NCAM2: variants seen among roughly 807,000 people sequenced by gnomAD.
NCAM2 encodes neural cell adhesion molecule 2.
Under a neutral mutation model 98.1 loss-of-function variants are expected in NCAM2, and 30 were observed. The ratio of observed to expected loss-of-function variants is 0.31; its 90% CI spans 0.23 to 0.41. The LOEUF (loss-of-function observed/expected upper bound fraction) is 0.41. Ranked by LOEUF, NCAM2 falls within the 10% of genes least tolerant of loss-of-function variation. NCAM2 has a pLI of 1.00. For synonymous variants in NCAM2, 368 were observed against 342.4 expected (o/e 1.07, Z -0.83); for missense variants, 867 against 1,005.8 (o/e 0.86, Z 1.87).
In NCAM2 at chr21:21,036,886, C is replaced by T. The variant is rs540645367; in HGVS notation, c.55+38268C>T. Among the ~76,000 whole-genome samples the T allele has an allele frequency of 5.3e-5, 8 of 152,248 alleles. No homozygotes were observed. In the South Asian group the frequency reaches 1.2e-3, roughly 24 times the overall value. On this transcript the variant is annotated intron_variant, in intron 1 of 17. Coordinates refer to ENST00000400546, the MANE Select transcript of NCAM2 (RefSeq NM_004540.5). Reference sequence around the variant, plus strand: ...AGAGAAGAGAAGGGCCAAGAGAGGGCCCAAGAGATAAATCCTGGCTGTTTA... The same window carrying T: ...AGAGAAGAGAAGGGCCAAGAGAGGGTCCAAGAGATAAATCCTGGCTGTTTA...
intron 9 of NCAM2, among the ~76,000 whole-genome samples, chr21:21,383,787 G>A (rs2076207680): frequency 6.6e-6 from 1 of 151,862 alleles, no homozygotes; most frequent in Non-Finnish European, 1.5e-5. Flanking sequence ...TTTAGTTTCA[G>A]TTTTCAGCAG....
intron 9 of NCAM2, among the ~76,000 whole-genome samples, chr21:21,382,809 C>A (rs1340436377): frequency 6.6e-6 from 1 of 151,688 alleles, no homozygotes; most frequent in Non-Finnish European, 1.5e-5. Flanking sequence ...GGATTACAGG[C>A]GGGAGCCACT....
intron 1 of NCAM2, among the ~76,000 whole-genome samples, chr21:21,269,003 C>A (rs1249980959): frequency 6.6e-6 from 1 of 152,126 alleles, no homozygotes; most frequent in East Asian, 1.9e-4. Context: ...CCTGGAGACA[C>A]CTTCAGGCTA....
At chr21:21,371,611 A>T (rs1439034333) in intron 8 of NCAM2, among the ~76,000 whole-genome samples, 1 of 151,080 alleles carries the variant, frequency 6.6e-6, no homozygotes, top group Non-Finnish European at 1.5e-5. Context: ...CCTCAACACC[A>T]CCCTTCTTTC....
intron 1 of NCAM2, among the ~76,000 whole-genome samples, chr21:21,176,643 G>A (rs562271890): frequency 6.6e-6 from 1 of 151,952 alleles, no homozygotes; most frequent in African/African-American, 2.4e-5. Flanking sequence ...AACATTTTAA[G>A]ACAGTTTTTA....
rs1483062198 is a variant in NCAM2 at position 21,331,517 on chromosome 21, C to CTCTCTCTCTCTCTCTATATA, written c.738-3987_738-3986insCTCTCTCTCTCTCTATATAT. Reference sequence around the variant, plus strand: ...TATATATACTCTATACTCTCTCTCTCTATATATATATATATATACTCTATA... The same window carrying CTCTCTCTCTCTCTCTATATA: ...TATATATACTCTATACTCTCTCTCTCTCTCTCTCTCTCTCTATATATATATATATATATATATACTCTATA... On this transcript the variant is annotated intron_variant, in intron 6 of 17. Transcript: ENST00000400546. 3.6e-3 allele frequency among the ~76,000 whole-genome samples: 25 copies of CTCTCTCTCTCTCTCTATATA among 6,938 alleles called. 3 individuals carry two copies. Among genetic ancestry groups the CTCTCTCTCTCTCTCTATATA allele is most frequent in the African/African-American group, 0.014 (25 of 1,814 alleles). 4.6% of individuals were successfully genotyped at this position (6,938 alleles called of 152,430 possible).
At chr21:21,033,168 C>G (rs1213783513) in intron 1 of NCAM2, among the ~76,000 whole-genome samples, 2 of 152,078 alleles carry the variant, frequency 1.3e-5, no homozygotes. Context: ...AGGCTGGTGT[C>G]AAACTCCTGA....
At chr21:21,143,235 G>C (rs1200032059) in intron 1 of NCAM2, among the ~76,000 whole-genome samples, 2 of 152,140 alleles carry the variant, frequency 1.3e-5, no homozygotes, top group Admixed American at 6.5e-5. Flanking sequence ...GAAGATGTGA[G>C]AAAATGGTAT....
chr21:21,347,878 T>C (rs530145995), intron 8 of NCAM2, among the ~76,000 whole-genome samples: 1 of 152,184 alleles, frequency 6.6e-6, no homozygotes, highest in Admixed American at 6.5e-5. Flanking sequence ...ATCATTTCAT[T>C]TGATGCTGAA....
rs537286705 is a variant in NCAM2, at chr21:21,280,708, A to T, written c.130+56A>T. The T allele has an allele frequency of 1.4e-5, 16 of 1,135,704 alleles. No homozygotes were observed. The South Asian group carries it at 2.4e-4, about 17-fold the overall frequency. 70.4% of individuals were successfully genotyped at this position (1,135,704 alleles called of 1,614,324 possible). ...CGTGGTTTCTGTTAAAATATTAATA[A>T]AATGTGTTGGCTAAATTTAACTAGT... On this transcript the variant is annotated intron_variant, in intron 2 of 17. Transcript: ENST00000400546.
chr21:21,425,850 C>T (rs1009368502), intron 11 of NCAM2, among the ~76,000 whole-genome samples: 1 of 152,120 alleles, frequency 6.6e-6, no homozygotes, highest in Non-Finnish European at 1.5e-5. Flanking sequence ...TTAGATTAAG[C>T]TCACAATGTT....
intron 1 of NCAM2, among the ~76,000 whole-genome samples, chr21:21,094,123 C>T (rs940196077): frequency 6.6e-6 from 1 of 151,790 alleles, no homozygotes; most frequent in Non-Finnish European, 1.5e-5. Flanking sequence ...ATATTTGATA[C>T]ACTCGATGCT....
chr21:21,169,107 C>A (rs139256686), intron 1 of NCAM2, among the ~76,000 whole-genome samples: 1 of 151,882 alleles, frequency 6.6e-6, no homozygotes. Flanking sequence ...TCAATGAAAC[C>A]GAGTAGAGAT....
chr21:21,345,438 A>G (rs1357324868), intron 8 of NCAM2, among the ~76,000 whole-genome samples: 2 of 152,162 alleles, frequency 1.3e-5, no homozygotes, highest in Non-Finnish European at 2.9e-5. Flanking sequence ...TGAAATAATT[A>G]CAACGAATCA....
intron 15 of NCAM2, among the ~76,000 whole-genome samples, chr21:21,498,754 A>G (rs1413530268): frequency 1.3e-5 from 2 of 152,194 alleles, no homozygotes; most frequent in Non-Finnish European, 2.9e-5. Context: ...CTTTGTAACA[A>G]TCTTTTAAAA....
At chr21:21,196,343 A>G (rs1568752619) in intron 1 of NCAM2, among the ~76,000 whole-genome samples, 1 of 152,054 alleles carries the variant, frequency 6.6e-6, no homozygotes, top group African/African-American at 2.4e-5. Context: ...ACACAAGATA[A>G]CTCTGGTGAG....
chr21:21,182,966 T>C (rs994205551), intron 1 of NCAM2, among the ~76,000 whole-genome samples: 1 of 152,170 alleles, frequency 6.6e-6, no homozygotes, highest in African/African-American at 2.4e-5. Context: ...AAACCAAATT[T>C]TGAACGTGTA....
chr21:21,280,671 A>G lies in NCAM2; in HGVS notation c.130+19A>G, dbSNP rs1311421316. 4 of 1,439,502 alleles carry G rather than the reference A, an allele frequency of 2.8e-6. No individual in the cohort carries two copies. Among genetic ancestry groups the G allele is most frequent in the Non-Finnish European group, 3.8e-6 (4 of 1,062,586 alleles). 89.2% of individuals were successfully genotyped at this position (1,439,502 alleles called of 1,614,324 possible). ...TGTACAGGTACGTATTTCTGTAAAT[A>G]CCTTCAGATAACGTGGTTTCTGTTA... On this transcript the variant is annotated intron_variant, in intron 2 of 17. Coordinates refer to ENST00000400546, the MANE Select transcript of NCAM2 (RefSeq NM_004540.5).
chr21:21,214,750 C>CTA (rs2069818770), intron 1 of NCAM2, among the ~76,000 whole-genome samples: 1 of 33,762 alleles, frequency 3.0e-5, no homozygotes, highest in Non-Finnish European at 9.7e-5. Flanking sequence ...TATATATACA[C>CTA]TATATATACA....
Sources: gnomAD v4.1 joint callset for allele counts (sites outside exome capture counted in the v4.1 genomes callset) on GRCh38, gnomAD v4.1.1 for gene constraint, MANE v1.5 for transcripts, NCBI Gene and HGNC (gene_info 2026-07-23, HGNC 2026-07-21) for gene names.